Variants in GTSE1 observed in about 807,000 individuals in gnomAD.
GTSE1 encodes G2 and S phase-expressed protein 1.
A neutral mutation model predicts 60.5 loss-of-function variants in GTSE1; 52 were observed. That is an observed-to-expected ratio of 0.86 (90% CI 0.69 to 1.08). GTSE1 has a LOEUF of 1.08. Ranked by LOEUF, GTSE1 falls within the 50% of genes least tolerant of loss-of-function variation. The pLI is 0.00. For missense variants in GTSE1, 937 were observed against 961.8 expected (o/e 0.97, Z 0.34); for synonymous variants, 368 against 386.5 (o/e 0.95, Z 0.56).
intron 2 of GTSE1, among the ~76,000 whole-genome samples, chr22:46,303,886 G>C (rs12330075): frequency 0.037 from 5,587 of 152,226 alleles, 339 homozygotes; most frequent in African/African-American, 0.13. Flanking sequence ...CCATGGAGAC[G>C]AGCGGTGTTC....
chr22:46,328,661 T>C (rs140053), intron 9 of GTSE1, 27 bp from the exon 10 acceptor site: 1,456,047 of 1,555,338 alleles, frequency 0.94, 682,051 homozygotes, highest in East Asian at 1. Flanking sequence ...AGAGACATTT[T>C]CTCATAAGTT....
At chr22:46,323,311 A>G in intron 8 of GTSE1, 49 bp downstream of exon 8, 2 of 1,354,276 alleles carry the variant, frequency 1.5e-6, no homozygotes. Flanking sequence ...AGAATGACTC[A>G]CGCATCTGCT....
rs757788605 is a variant in GTSE1, at chr22:46,310,990, G to C, written c.763-1151G>C. On this transcript the variant is annotated intron_variant, in intron 4 of 11. Transcript: ENST00000454366. This position sits in a 1 kb window ranked among gnomAD's most constrained non-coding sequence, Gnocchi z 4.4. ...ACTATGACAGGCCAATGACAGAGGC[G>C]TGGTTGAGTGCTTCCCTAGGTGGGG... Among the ~76,000 whole-genome samples the C allele has an allele frequency of 6.6e-6, 1 of 152,122 alleles. No homozygotes were observed. The highest frequency in any genetic ancestry group is 1.5e-5 in the Non-Finnish European group (1 of 68,020).
intron 9 of GTSE1, chr22:46,327,458 G>A (rs529718283): frequency 6.6e-6 from 1 of 152,330 alleles, no homozygotes; most frequent in South Asian, 2.1e-4. Flanking sequence ...CAGATCACGA[G>A]GTCAGGAGTT....
Position 46,316,174 on chromosome 22 carries a change from G to A in GTSE1, c.1194G>A (p.Lys398=). 1.9e-6 allele frequency: 3 copies of A among 1,613,384 alleles called. No homozygotes were observed. The highest frequency in any genetic ancestry group is 2.5e-6 in the Non-Finnish European group (3 of 1,179,658). ...GPVGASSWQA[K]RVDVSELAAE... ...TGGGGGCATCCTCCTGGCAGGCCAA[G>A]CGGGTCGATGTTTCTGAGCTGGCAG... Residue 398 remains lysine, a synonymous_variant, in exon 7 of 12, where the codon AAG becomes AAA. Transcript: ENST00000454366. This position sits in a 1 kb window ranked among gnomAD's most constrained non-coding sequence, Gnocchi z 5.0.
Position 46,309,394 on chromosome 22 carries a change from T to G in GTSE1, c.762+451T>G, listed in dbSNP as rs1569039581. 6.6e-6 allele frequency among the ~76,000 whole-genome samples: 1 copy of G among 152,116 alleles called. No homozygotes were observed. Among genetic ancestry groups the G allele is most frequent in the African/African-American group, 2.4e-5 (1 of 41,430 alleles). On this transcript the variant is annotated intron_variant, in intron 4 of 11. Coordinates refer to ENST00000454366, the MANE Select transcript of GTSE1 (RefSeq NM_016426.7). The surrounding 1 kb of genome is among the most constrained non-coding windows in gnomAD (Gnocchi z 6.2). ...GCCTTTGGGTGCAGTCTGCCTACTC[T>G]GGGACACTGAGGGTCCTGGAGGTCT...
At chr22:46,312,455 C>T (rs939522085) in intron 5 of GTSE1, 150 bp downstream of exon 5, 2 of 703,868 alleles carry the variant, frequency 2.8e-6, no homozygotes, top group African/African-American at 3.6e-5. Flanking sequence ...GCCTGAGCAA[C>T]ATGATGAAAC....
chr22:46,301,856 CG>C (rs886307467), intron 2 of GTSE1, among the ~76,000 whole-genome samples: 20 of 152,234 alleles, frequency 1.3e-4, no homozygotes, highest in Non-Finnish European at 2.9e-4. Context: ...CGGCCAGGTG[CG>C]GTGGCTTGCG....
At chr22:46,299,294 C>T (rs1289186159) in intron 2 of GTSE1, among the ~76,000 whole-genome samples, 1 of 152,274 alleles carries the variant, frequency 6.6e-6, no homozygotes, top group Non-Finnish European at 1.5e-5. Flanking sequence ...GGGCGGTCAG[C>T]ATTCCAATAG....
In GTSE1 at chr22:46,316,786, C is replaced by T. The variant is rs898782456; in HGVS notation, c.1432+374C>T. 1.2e-4 allele frequency among the ~76,000 whole-genome samples: 19 copies of T among 152,096 alleles called. No individual in the cohort carries two copies. Among genetic ancestry groups the T allele is most frequent in the Non-Finnish European group, 2.4e-4 (16 of 68,020 alleles). ...GGTTTTTTTCAGCAAATTTGGAAAA[C>T]GTTGGCCATTATTTCTTCAGCTATC... On this transcript the variant is annotated intron_variant, in intron 7 of 11. Transcript: ENST00000454366. The surrounding 1 kb of genome is among the most constrained non-coding windows in gnomAD (Gnocchi z 5.0).
At position 46,330,016 on chromosome 22, in the gene GTSE1, C is replaced by G; in HGVS notation, c.2137-31C>G. 7.2e-7 allele frequency: 1 copy of G among 1,398,192 alleles called. No homozygotes were observed. The highest frequency in any genetic ancestry group is 1.0e-6 in the Non-Finnish European group (1 of 982,998). The allele number at this position is 1,398,192 out of a possible 1,614,324, so 86.6% of individuals were successfully genotyped here. ...GGAAGGGAGGCCCTAGCCGGATCCA[C>G]GCTCACCTCCTCCACTCTGCTCTCT... On this transcript the variant is annotated intron_variant, in intron 11 of 11. Transcript: ENST00000454366. This position sits in a 1 kb window ranked among gnomAD's most constrained non-coding sequence, Gnocchi z 6.0.
Position 46,313,596 on chromosome 22 carries a change from C to T in GTSE1, c.928-294C>T, listed in dbSNP as rs2077761104. ...CGAGCTCAGCTCACTACAACCTCCA[C>T]CTCCCGGGTTCAAGCAATTCTCCTA... On this transcript the variant is annotated intron_variant, in intron 5 of 11. Transcript: ENST00000454366. The surrounding 1 kb of genome is among the most constrained non-coding windows in gnomAD (Gnocchi z 4.4). 6.6e-6 allele frequency among the ~76,000 whole-genome samples: 1 copy of T among 152,360 alleles called. No homozygotes were observed. Among genetic ancestry groups the T allele is most frequent in the Non-Finnish European group, 1.5e-5 (1 of 68,044 alleles).
intron 8 of GTSE1, among the ~76,000 whole-genome samples, chr22:46,325,070 G>A (rs917129835): frequency 1.3e-5 from 2 of 152,182 alleles, no homozygotes; most frequent in Non-Finnish European, 2.9e-5. Flanking sequence ...CAATTCTGGA[G>A]GCTAGAAATC....
Position 46,330,363 on chromosome 22 carries a change from T to C in GTSE1, c.*233T>C, listed in dbSNP as rs2077869547. ...CGGGTGTGGTAGTGCATGCCTGTAGTCCCAGCTACTTGGGAGGCTGAAGTG... is the reference window on the plus strand; with the variant it reads ...CGGGTGTGGTAGTGCATGCCTGTAGCCCCAGCTACTTGGGAGGCTGAAGTG... On this transcript the variant is annotated 3_prime_UTR_variant, in exon 12 of 12. Coordinates refer to ENST00000454366, the MANE Select transcript of GTSE1 (RefSeq NM_016426.7). The surrounding 1 kb of genome is among the most constrained non-coding windows in gnomAD (Gnocchi z 6.0). 2 of 428,616 alleles carry C rather than the reference T, an allele frequency of 4.7e-6. No homozygotes were observed. The highest frequency in any genetic ancestry group is 8.6e-6 in the Non-Finnish European group (2 of 233,488). 26.6% of individuals were successfully genotyped at this position (428,616 alleles called of 1,614,324 possible). A position where few individuals can be genotyped will look rare whatever the true frequency, so the allele number is the denominator to read the frequency against.
chr22:46,324,815 T>A lies in GTSE1; in HGVS notation c.1505+1553T>A, dbSNP rs1398494697. The stretch of plus-strand genomic sequence containing the variant: ...GGAGTGATTCTGTTTCTCTCTTGAT[T>A]TCAGCCTCGTTGCTTTTCTTCCATT... On this transcript the variant is annotated intron_variant, in intron 8 of 11. Transcript: ENST00000454366. The surrounding 1 kb of genome is among the most constrained non-coding windows in gnomAD (Gnocchi z 5.2). Among the ~76,000 whole-genome samples, 1 of 152,170 alleles carries A rather than the reference T, an allele frequency of 6.6e-6. No individual in the cohort carries two copies. The highest frequency in any genetic ancestry group is 1.5e-5 in the Non-Finnish European group (1 of 68,026).
At chr22:46,302,567 G>A (rs781050836) in intron 2 of GTSE1, among the ~76,000 whole-genome samples, 1 of 151,976 alleles carries the variant, frequency 6.6e-6, no homozygotes, top group African/African-American at 2.4e-5. Context: ...TCCCTATGTT[G>A]TCTAGGCTGG....
rs778945390 is a variant in GTSE1 at position 46,312,302 on chromosome 22, C to G, written c.924C>G (p.Asn308Lys). Residue 308 changes from asparagine (N) to lysine (K), a missense_variant, in exon 5 of 12, where the codon AAC (asparagine) becomes AAG (lysine). Physicochemically the swap from Asn to Lys is moderately conservative, Grantham distance 94. Transcript: ENST00000454366. ...GQGKRAIPVP[N>K]KLGLKKTLLK... Reference sequence around the variant, plus strand: ...GCAAGCGGGCGATCCCTGTTCCAAACAAGGTGAGTTGGCTGCTGGGGCCCA... The same window carrying G: ...GCAAGCGGGCGATCCCTGTTCCAAAGAAGGTGAGTTGGCTGCTGGGGCCCA... 2 of 1,609,550 alleles carry G rather than the reference C, an allele frequency of 1.2e-6. No individual in the cohort carries two copies. The highest frequency in any genetic ancestry group is 1.7e-6 in the Non-Finnish European group (2 of 1,177,720).
At position 46,318,846 on chromosome 22, in the gene GTSE1, C is replaced by A. The variant is rs1184869031; in HGVS notation, c.1432+2434C>A. ...GTCAGGGACCCAGGCTTACTCCATCCTGTGCTGCCGTGATGAGCTTCTCAT... is the reference window on the plus strand; with the variant it reads ...GTCAGGGACCCAGGCTTACTCCATCATGTGCTGCCGTGATGAGCTTCTCAT... On this transcript the variant is annotated intron_variant, in intron 7 of 11. Transcript: ENST00000454366. This position sits in a 1 kb window ranked among gnomAD's most constrained non-coding sequence, Gnocchi z 4.8. Among the ~76,000 whole-genome samples, 2 of 152,148 alleles carry A rather than the reference C, an allele frequency of 1.3e-5. No individual in the cohort carries two copies. Among genetic ancestry groups the A allele is most frequent in the South Asian group, 4.1e-4 (2 of 4,828 alleles).
At position 46,309,063 on chromosome 22, in the gene GTSE1, AGGAATGC is replaced by A; in HGVS notation, c.762+124_762+130del. 9.1e-7 allele frequency: 1 copy of A among 1,100,072 alleles called. No homozygotes were observed. The highest frequency in any genetic ancestry group is 2.8e-5 in the Admixed American group (1 of 35,502). 68.1% of individuals were successfully genotyped at this position (1,100,072 alleles called of 1,614,324 possible). A position where few individuals can be genotyped will look rare whatever the true frequency, so the allele number is the denominator to read the frequency against. On this transcript the variant is annotated intron_variant, in intron 4 of 11. Coordinates refer to ENST00000454366, the MANE Select transcript of GTSE1 (RefSeq NM_016426.7). The surrounding 1 kb of genome is among the most constrained non-coding windows in gnomAD (Gnocchi z 6.2). The stretch of plus-strand genomic sequence containing the variant: ...CGAGTCTCTGAGGCCTACAAAACAC[AGGAATGC>A]GGAGTCCAGGAAAAGCAGTTGCCAA...
Sources: allele counts gnomAD v4.1 joint callset (sites outside exome capture counted in the v4.1 genomes callset), GRCh38; gene constraint gnomAD v4.1.1; non-coding constraint Gnocchi (gnomAD v3.1); transcripts MANE v1.5; gene names NCBI Gene and HGNC (gene_info 2026-07-23, HGNC 2026-07-21).